DPH5: variants seen among roughly 807,000 people sequenced by gnomAD.
DPH5 encodes diphthine methyl ester synthase.
In DPH5, 31 loss-of-function variants were observed where a neutral mutation model predicts 31.6. The observed-to-expected ratio is 0.98, with a 90% CI of 0.74 to 1.32. The LOEUF (loss-of-function observed/expected upper bound fraction) is 1.32. Among genes scored for constraint, DPH5 ranks in the 40% most tolerant of loss-of-function variants. DPH5 has a pLI of 0.00. For synonymous variants in DPH5, 120 were observed against 115.0 expected (o/e 1.04, Z -0.28); for missense variants, 309 against 335.7 (o/e 0.92, Z 0.62).
intron 6 of DPH5, 143 bp downstream of exon 6, chr1:100,994,967 G>T: frequency 1.7e-6 from 1 of 583,694 alleles, no homozygotes; most frequent in Non-Finnish European, 3.1e-6. Context: ...TTATCATTTC[G>T]TAAGAATAAA....
At chr1:101,014,699 T>C (rs1659941992) in intron 3 of DPH5, among the ~76,000 whole-genome samples, 1 of 151,686 alleles carries the variant, frequency 6.6e-6, no homozygotes, top group Non-Finnish European at 1.5e-5. Flanking sequence ...GCATGCAACA[T>C]TGTGTGATAC....
chr1:101,011,414 G>A (rs1303207064), intron 4 of DPH5, among the ~76,000 whole-genome samples: 1 of 152,158 alleles, frequency 6.6e-6, no homozygotes, highest in African/African-American at 2.4e-5. Context: ...CTAAGCTGGG[G>A]GGAAAATGGT....
At chr1:100,992,033 G>T (rs993764067) in intron 7 of DPH5, among the ~76,000 whole-genome samples, 1 of 151,892 alleles carries the variant, frequency 6.6e-6, no homozygotes, top group African/African-American at 2.4e-5. Context: ...AGGAGGTGGA[G>T]GCTGCAATGA....
chr1:101,007,382 T>C (rs1480507770), intron 4 of DPH5, among the ~76,000 whole-genome samples: 2 of 152,190 alleles, frequency 1.3e-5, no homozygotes, highest in Non-Finnish European at 2.9e-5. Context: ...ATGTCTAAGC[T>C]AACTGCTTCT....
At chr1:101,013,456 T>C (rs972262624) in intron 4 of DPH5, among the ~76,000 whole-genome samples, 1 of 152,174 alleles carries the variant, frequency 6.6e-6, no homozygotes, top group Non-Finnish European at 1.5e-5. Flanking sequence ...TTTTCCTTTT[T>C]ATGTAAGTAC....
intron 3 of DPH5, among the ~76,000 whole-genome samples, chr1:101,018,150 T>C (rs937673628): frequency 1.8e-4 from 27 of 152,290 alleles, no homozygotes; most frequent in Middle Eastern, 6.8e-3. Context: ...AAAGGCAATT[T>C]CAAGAAAGGA....
At chr1:100,995,365 G>A (rs1658251261) in intron 5 of DPH5, 3 of 421,270 alleles carry the variant, frequency 7.1e-6, no homozygotes, top group East Asian at 4.1e-5. Flanking sequence ...AGACCATCCT[G>A]CTAACATCTA....
chr1:100,994,785 C>T (rs758431275), intron 6 of DPH5, among the ~76,000 whole-genome samples: 3 of 152,154 alleles, frequency 2.0e-5, no homozygotes, highest in Non-Finnish European at 2.9e-5. Flanking sequence ...CCTCAGCCTC[C>T]CAAAGTGCTG....
intron 6 of DPH5, 75 bp downstream of exon 6, chr1:100,995,035 G>C (rs1274448585): frequency 9.6e-6 from 10 of 1,044,806 alleles, no homozygotes; most frequent in South Asian, 6.6e-5. Context: ...TTAGAACTCA[G>C]GTCATTTAAG....
chr1:101,025,523 A>C, intron 1 of DPH5, 57 bp from the exon 2 acceptor site: 2 of 1,549,640 alleles, frequency 1.3e-6, no homozygotes, highest in Non-Finnish European at 1.8e-6. Context: ...TCTAAAATCT[A>C]GTGATGAACA....
At chr1:100,992,274 G>A (rs928230676) in intron 7 of DPH5, among the ~76,000 whole-genome samples, 1 of 152,000 alleles carries the variant, frequency 6.6e-6, no homozygotes, top group Non-Finnish European at 1.5e-5. Flanking sequence ...ATAAAAGAAC[G>A]ATAAGTATAT....
At chr1:100,990,780 T>C (rs1322386801) in intron 7 of DPH5, 149 bp from the exon 8 acceptor site, 1 of 716,296 alleles carries the variant, frequency 1.4e-6, no homozygotes, top group East Asian at 2.7e-5. Flanking sequence ...ATCCATTAAT[T>C]CATCCAAGGG....
At chr1:101,021,505 A>G in intron 3 of DPH5, 136 bp downstream of exon 3, 6 of 796,272 alleles carry the variant, frequency 7.5e-6, no homozygotes, top group Non-Finnish European at 1.1e-5. Flanking sequence ...AAACTATGAC[A>G]TTTTAGATAG....
At chr1:101,016,109 C>A (rs1004001863) in intron 3 of DPH5, among the ~76,000 whole-genome samples, 2 of 152,122 alleles carry the variant, frequency 1.3e-5, no homozygotes, top group Non-Finnish European at 2.9e-5. Context: ...AATCCCAGCA[C>A]TTTGGGAGGC....
chr1:101,017,969 C>G (rs1028346874), intron 3 of DPH5, among the ~76,000 whole-genome samples: 5 of 152,142 alleles, frequency 3.3e-5, no homozygotes, highest in African/African-American at 4.8e-5. Context: ...AAAATTACAT[C>G]TCTATCACAA....
intron 4 of DPH5, among the ~76,000 whole-genome samples, chr1:101,012,215 C>T (rs1404694915): frequency 3.9e-5 from 6 of 152,256 alleles, no homozygotes; most frequent in African/African-American, 1.2e-4. Context: ...GTCATCAGTT[C>T]TTAAAAGGCA....
chr1:101,021,517 G>A (rs1171821235), intron 3 of DPH5, 124 bp downstream of exon 3: 8 of 903,944 alleles, frequency 8.9e-6, no homozygotes, highest in East Asian at 2.7e-5. Context: ...TTTAGATAGC[G>A]CTTAAGTAAC....
intron 6 of DPH5, among the ~76,000 whole-genome samples, chr1:100,993,676 G>C (rs951595894): frequency 7.0e-6 from 1 of 143,736 alleles, no homozygotes; most frequent in Non-Finnish European, 1.5e-5. Context: ...CTATCCAATA[G>C]AAATATAAAT....
At chr1:101,014,277 G>C (rs1191036026) in intron 3 of DPH5, among the ~76,000 whole-genome samples, 1 of 152,102 alleles carries the variant, frequency 6.6e-6, no homozygotes, top group Non-Finnish European at 1.5e-5. Flanking sequence ...TAAAATATAA[G>C]GCAGAATATA....
Sources: gnomAD v4.1 joint callset for allele counts (sites outside exome capture counted in the v4.1 genomes callset) on GRCh38, gnomAD v4.1.1 for gene constraint, MANE v1.5 for transcripts, NCBI Gene and HGNC (gene_info 2026-07-23, HGNC 2026-07-21) for gene names.